The following CCSER1 variants were observed in gnomAD, a reference collection of about 807,000 sequenced individuals.
The protein encoded by CCSER1 is coiled-coil serine rich protein 1.
In CCSER1, 41 loss-of-function variants were observed where a neutral mutation model predicts 82.0. The ratio of observed to expected loss-of-function variants is 0.50; its 90% CI spans 0.39 to 0.65. CCSER1 has a LOEUF of 0.65. CCSER1 is among the 30% of genes least tolerant of loss of function. The pLI is 0.00. For missense variants in CCSER1, 1,119 were observed against 1,064.2 expected (o/e 1.05, Z -0.72); for synonymous variants, 414 against 383.9 (o/e 1.08, Z -0.92).
At chr4:90,628,715 G>A (rs1723790283) in intron 6 of CCSER1, among the ~76,000 whole-genome samples, 1 of 152,100 alleles carries the variant, frequency 6.6e-6, no homozygotes, top group African/African-American at 2.4e-5. Flanking sequence ...TTTTGCCTAA[G>A]GAATGTAGTT....
At chr4:91,253,340 TTGTC>T (rs1367531891) in intron 10 of CCSER1, among the ~76,000 whole-genome samples, 4 of 152,164 alleles carry the variant, frequency 2.6e-5, no homozygotes, top group Admixed American at 6.5e-5. Flanking sequence ...TGTTAATCAA[TTGTC>T]TGTGCTATTG....
chr4:90,541,055 C>A (rs1202134204), intron 5 of CCSER1, among the ~76,000 whole-genome samples: 1 of 151,998 alleles, frequency 6.6e-6, no homozygotes, highest in African/African-American at 2.4e-5. Context: ...AAGAAAATTT[C>A]TTTGCTACTG....
intron 5 of CCSER1, among the ~76,000 whole-genome samples, chr4:90,568,114 T>G (rs1057307505): frequency 1.5e-4 from 23 of 152,244 alleles, no homozygotes; most frequent in African/African-American, 5.5e-4. Flanking sequence ...TAACATGATC[T>G]GTCCTGGAGA....
intron 4 of CCSER1, among the ~76,000 whole-genome samples, chr4:90,421,268 TACTC>T (rs1262554369): frequency 2.6e-5 from 4 of 152,204 alleles, no homozygotes; most frequent in African/African-American, 9.6e-5. Flanking sequence ...TATTTTCTGA[TACTC>T]TATCTTATTA....
chr4:91,575,414 AAAATG>A (rs375771691), intron 10 of CCSER1, among the ~76,000 whole-genome samples: 2 of 152,064 alleles, frequency 1.3e-5, no homozygotes, highest in African/African-American at 4.8e-5. Context: ...GAGCAATTAA[AAAATG>A]AAAAGATAAC....
At chr4:90,867,413 C>T (rs559784104) in intron 8 of CCSER1, among the ~76,000 whole-genome samples, 35 of 152,078 alleles carry the variant, frequency 2.3e-4, no homozygotes, top group South Asian at 6.2e-4. Flanking sequence ...TTTCTGGATA[C>T]GTAGTTGCTA....
At chr4:90,477,581 A>T (rs980488127) in intron 5 of CCSER1, among the ~76,000 whole-genome samples, 1 of 152,208 alleles carries the variant, frequency 6.6e-6, no homozygotes, top group Non-Finnish European at 1.5e-5. Context: ...ATATTTCCTC[A>T]AATTTGCCTA....
At chr4:90,877,679 A>C (rs2150057456) in intron 8 of CCSER1, among the ~76,000 whole-genome samples, 1 of 151,916 alleles carries the variant, frequency 6.6e-6, no homozygotes, top group South Asian at 2.1e-4. Context: ...TTGATTGAAG[A>C]TATATTAAGG....
intron 10 of CCSER1, among the ~76,000 whole-genome samples, chr4:91,552,534 T>C (rs1274904790): frequency 6.6e-6 from 1 of 151,660 alleles, no homozygotes; most frequent in East Asian, 1.9e-4. Context: ...TATTTAGAGC[T>C]AGAGGTCCCT....
intron 10 of CCSER1, among the ~76,000 whole-genome samples, chr4:91,096,176 A>G (rs1724493014): frequency 6.6e-6 from 1 of 152,162 alleles, no homozygotes; most frequent in South Asian, 2.1e-4. Context: ...CTGCTTTCTC[A>G]GGGGCATTTG....
chr4:91,028,766 C>T (rs991025551), intron 9 of CCSER1, among the ~76,000 whole-genome samples: 1 of 151,814 alleles, frequency 6.6e-6, no homozygotes, highest in Non-Finnish European at 1.5e-5. Context: ...ATAAGCATGA[C>T]TCCCCATGGA....
intron 4 of CCSER1, among the ~76,000 whole-genome samples, chr4:90,434,390 A>C (rs188622247): frequency 5.9e-5 from 9 of 152,144 alleles, no homozygotes; most frequent in Non-Finnish European, 5.9e-5. Flanking sequence ...TTCTACCTGT[A>C]TGTATTCTTA....
intron 9 of CCSER1, among the ~76,000 whole-genome samples, chr4:90,975,593 A>G (rs1248026617): frequency 6.6e-6 from 1 of 151,278 alleles, no homozygotes; most frequent in African/African-American, 2.4e-5. Context: ...GTCTCTAAGT[A>G]ATTTGCTCAC....
chr4:90,182,622 G>A (rs1439290411), intron 1 of CCSER1, among the ~76,000 whole-genome samples: 1 of 152,008 alleles, frequency 6.6e-6, no homozygotes, highest in African/African-American at 2.4e-5. Flanking sequence ...TTCTTATTTA[G>A]GCAATTGCAG....
At chr4:91,427,322 T>G (rs1300003259) in intron 10 of CCSER1, among the ~76,000 whole-genome samples, 1 of 152,152 alleles carries the variant, frequency 6.6e-6, no homozygotes, top group East Asian at 1.9e-4. Flanking sequence ...TAGTCACTTT[T>G]CTCAAAGTGT....
At chr4:90,664,045 A>T (rs1192117996) in intron 6 of CCSER1, 1 of 165,116 alleles carries the variant, frequency 6.1e-6, no homozygotes, top group East Asian at 1.6e-4. Flanking sequence ...TATACAAAAA[A>T]AATCTCTACT....
intron 7 of CCSER1, among the ~76,000 whole-genome samples, chr4:90,808,898 C>T (rs777202658): frequency 4.6e-5 from 7 of 151,958 alleles, no homozygotes; most frequent in Non-Finnish European, 7.4e-5. Context: ...GGTATCTACC[C>T]AAAGGAAAAG....
chr4:90,405,790 C>A (rs191835840), intron 4 of CCSER1, among the ~76,000 whole-genome samples: 3 of 152,216 alleles, frequency 2.0e-5, no homozygotes, highest in East Asian at 1.9e-4. Context: ...AAGATAAAGT[C>A]TTTTCCAGAC....
At chr4:90,878,026 G>T (rs1417233924) in intron 8 of CCSER1, among the ~76,000 whole-genome samples, 1 of 152,096 alleles carries the variant, frequency 6.6e-6, no homozygotes, top group Non-Finnish European at 1.5e-5. Context: ...ATAAGCCAAG[G>T]CAGTTGCTGG....
Sources: gnomAD v4.1 joint callset for allele counts (sites outside exome capture counted in the v4.1 genomes callset) on GRCh38, gnomAD v4.1.1 for gene constraint, MANE v1.5 for transcripts, NCBI Gene and HGNC (gene_info 2026-07-23, HGNC 2026-07-21) for gene names.